BNC2: variants seen among roughly 807,000 people sequenced by gnomAD.
The protein encoded by BNC2 is basonuclin zinc finger protein 2.
In BNC2, 20 loss-of-function variants were observed where a neutral mutation model predicts 76.3. The observed-to-expected ratio is 0.26, with a 90% confidence interval of 0.18 to 0.38. BNC2 has a LOEUF of 0.38. Among genes scored for constraint, BNC2 ranks in the 10% least tolerant of loss-of-function variants. The pLI, the probability that BNC2 is intolerant of heterozygous loss-of-function variation, is 1.00. For missense variants in BNC2, 1,382 were observed against 1,399.8 expected (o/e 0.99, Z 0.20); for synonymous variants, 582 against 514.8 (o/e 1.13, Z -1.77).
chr9:16,782,500 T>C (rs901484298), intron 1 of BNC2, among the ~76,000 whole-genome samples: 8 of 152,166 alleles, frequency 5.3e-5, no homozygotes, highest in South Asian at 2.1e-4. Context: ...ACTAGTCTAA[T>C]GTGCTGACTT....
At chr9:16,818,417 A>C (rs748577637) in intron 1 of BNC2, among the ~76,000 whole-genome samples, 29 of 152,128 alleles carry the variant, frequency 1.9e-4, no homozygotes, top group Non-Finnish European at 3.5e-4. Flanking sequence ...AAAAAATTAA[A>C]CCCAAAAACG....
rs534616239 is a variant in BNC2, at chr9:16,679,672, G to A, written c.330+48125C>T. Among the ~76,000 whole-genome samples the A allele has an allele frequency of 6.6e-5, 10 of 152,272 alleles. 1 individual carries two copies. Among genetic ancestry groups the A allele is most frequent in the South Asian group, 6.2e-4 (3 of 4,828 alleles). Reference sequence around the variant, plus strand: ...CCTCTGAAGGACGTTCCCTAGATGCGCGGGCCGGATGACACCTCCATTGCT... The same window carrying A: ...CCTCTGAAGGACGTTCCCTAGATGCACGGGCCGGATGACACCTCCATTGCT... On this transcript the variant is annotated intron_variant, in intron 3 of 6. Transcript: ENST00000380672.
intron 3 of BNC2, among the ~76,000 whole-genome samples, chr9:16,674,061 C>T (rs535908722): frequency 2.0e-5 from 3 of 152,288 alleles, no homozygotes; most frequent in East Asian, 1.9e-4. Context: ...CCTGCCTTTT[C>T]GGACTAATAT....
chr9:16,455,484 T>C (rs1821427282), intron 5 of BNC2, among the ~76,000 whole-genome samples: 1 of 152,170 alleles, frequency 6.6e-6, no homozygotes, highest in Non-Finnish European at 1.5e-5. Flanking sequence ...TGAATGGATA[T>C]GAAATGTATT....
intron 3 of BNC2, among the ~76,000 whole-genome samples, chr9:16,687,577 A>T (rs1291977467): frequency 7.2e-5 from 11 of 152,122 alleles, no homozygotes; most frequent in Admixed American, 6.6e-4. Context: ...TAACCTGAGA[A>T]TATTCCAAAT....
At chr9:16,608,774 A>T (rs1291214094) in intron 3 of BNC2, among the ~76,000 whole-genome samples, 1 of 152,200 alleles carries the variant, frequency 6.6e-6, no homozygotes, top group African/African-American at 2.4e-5. Context: ...AGTCAGTGAG[A>T]TCTGAAAAAT....
intron 1 of BNC2, among the ~76,000 whole-genome samples, chr9:16,844,765 G>T (rs376889254): frequency 4.9e-4 from 74 of 152,166 alleles, no homozygotes; most frequent in African/African-American, 1.5e-3. Flanking sequence ...AAAGTGCTGG[G>T]ATTACAGGCA....
At chr9:16,599,649 T>C (rs1032986757) in intron 3 of BNC2, among the ~76,000 whole-genome samples, 6 of 152,120 alleles carry the variant, frequency 3.9e-5, no homozygotes, top group African/African-American at 1.4e-4. Flanking sequence ...CCAGGCGTGG[T>C]GGCACATGCC....
chr9:16,567,636 A>G (rs1409106645), intron 4 of BNC2, among the ~76,000 whole-genome samples: 1 of 152,190 alleles, frequency 6.6e-6, no homozygotes, highest in Admixed American at 6.5e-5. Flanking sequence ...AAGAGTATAA[A>G]AGTGCTTTTC....
intron 4 of BNC2, among the ~76,000 whole-genome samples, chr9:16,573,586 A>G (rs1819395349): frequency 6.6e-6 from 1 of 152,098 alleles, no homozygotes; most frequent in Non-Finnish European, 1.5e-5. Context: ...TGTCCTTTCA[A>G]TTAGATGGGT....
intron 3 of BNC2, among the ~76,000 whole-genome samples, chr9:16,615,723 T>C (rs1323962391): frequency 6.6e-6 from 1 of 152,246 alleles, no homozygotes; most frequent in Non-Finnish European, 1.5e-5. Context: ...TAAATTTGTA[T>C]GCTTTTCTTT....
At chr9:16,705,577 T>C (rs116285535) in intron 3 of BNC2, among the ~76,000 whole-genome samples, 1,543 of 152,302 alleles carry the variant, frequency 0.01, 17 homozygotes, top group African/African-American at 0.035. Context: ...TTCTTTCTTA[T>C]TATTACTGCT....
At chr9:16,542,990 G>C (rs1818371051) in intron 5 of BNC2, among the ~76,000 whole-genome samples, 1 of 152,114 alleles carries the variant, frequency 6.6e-6, no homozygotes, top group Non-Finnish European at 1.5e-5. Flanking sequence ...TATAGTCACA[G>C]AGGATTTCAT....
At chr9:16,823,567 C>T (rs1382069250) in intron 1 of BNC2, among the ~76,000 whole-genome samples, 8 of 151,008 alleles carry the variant, frequency 5.3e-5, no homozygotes, top group African/African-American at 9.8e-5. Context: ...CACACCACTG[C>T]ACTCTAGCCT....
intron 3 of BNC2, among the ~76,000 whole-genome samples, chr9:16,693,233 T>C (rs1453700677): frequency 6.7e-6 from 1 of 149,216 alleles, no homozygotes; most frequent in Non-Finnish European, 1.5e-5. Context: ...ACAATTAAAA[T>C]ATAAGGTAAT....
chr9:16,706,752 G>A (rs1305916812), intron 3 of BNC2, among the ~76,000 whole-genome samples: 1 of 151,916 alleles, frequency 6.6e-6, no homozygotes, highest in Non-Finnish European at 1.5e-5. Flanking sequence ...ATTCATGAGA[G>A]GACAGCAATT....
At chr9:16,853,592 C>A (rs961152538) in intron 1 of BNC2, among the ~76,000 whole-genome samples, 1 of 151,782 alleles carries the variant, frequency 6.6e-6, no homozygotes, top group Admixed American at 6.6e-5. Context: ...TGCAGCTGGG[C>A]GCTGTGGCTC....
intron 1 of BNC2, among the ~76,000 whole-genome samples, chr9:16,768,886 A>T (rs777808626): frequency 6.6e-6 from 1 of 152,196 alleles, no homozygotes; most frequent in Non-Finnish European, 1.5e-5. Context: ...GAAACGAGAG[A>T]AAGACAGAAA....
intron 3 of BNC2, among the ~76,000 whole-genome samples, chr9:16,639,413 A>T (rs975802895): frequency 2.0e-5 from 3 of 152,224 alleles, no homozygotes; most frequent in African/African-American, 7.2e-5. Flanking sequence ...TAGGTCTAAC[A>T]TATGTATTTC....
Sources: allele counts gnomAD v4.1 joint callset (sites outside exome capture counted in the v4.1 genomes callset), GRCh38; gene constraint gnomAD v4.1.1; transcripts MANE v1.5; gene names NCBI Gene and HGNC (gene_info 2026-07-23, HGNC 2026-07-21).